Variants in MMUT observed in about 807,000 individuals in gnomAD.
The protein encoded by MMUT is methylmalonyl-CoA mutase.
A neutral mutation model predicts 79.9 loss-of-function variants in MMUT; 79 were observed. The ratio of observed to expected loss-of-function variants is 0.99; its 90% CI spans 0.82 to 1.19. MMUT has a LOEUF of 1.19. MMUT is among the 50% of genes most tolerant of loss of function. The pLI, the probability that MMUT is intolerant of heterozygous loss-of-function variation, is 0.00. For synonymous variants in MMUT, 273 were observed against 295.7 expected, an observed-to-expected ratio of 0.92 and a Z score of 0.79; for missense variants, 860 against 917.2, an observed-to-expected ratio of 0.94 and a Z score of 0.81.
chr6:49,445,820 T>C (rs1767398150), intron 8 of MMUT, among the ~76,000 whole-genome samples: 1 of 152,046 alleles, frequency 6.6e-6, no homozygotes, highest in Non-Finnish European at 1.5e-5. Flanking sequence ...TCCAACTATA[T>C]TTAGAGCAAG....
At chr6:49,453,919 C>T (rs1767622771) in intron 4 of MMUT, among the ~76,000 whole-genome samples, 163 bp from the exon 5 acceptor site, 1 of 152,106 alleles carries the variant, frequency 6.6e-6, no homozygotes, top group South Asian at 2.1e-4. Flanking sequence ...TAACTTTAAA[C>T]CTAACATAAA....
chr6:49,462,728 T>C lies in MMUT; in HGVS notation c.-40+375A>G, dbSNP rs147169284. Among the ~76,000 whole-genome samples the C allele has an allele frequency of 1.2e-3, 185 of 152,204 alleles. 2 individuals carry two copies. Among genetic ancestry groups the C allele is most frequent in the Admixed American group, 8.6e-3 (131 of 15,296 alleles). ...CCTGACAATAACATAACCCACAACC[T>C]AGAAGGGAGGCAGCCATGAAGCAGG... is the stretch of plus-strand genomic sequence containing the variant. On this transcript the variant is annotated intron_variant, in intron 1 of 12. Transcript: ENST00000274813.
At chr6:49,445,695 TAAC>T (rs932429915) in intron 8 of MMUT, among the ~76,000 whole-genome samples, 5 of 152,030 alleles carry the variant, frequency 3.3e-5, no homozygotes, top group African/African-American at 1.2e-4. Context: ...GTTTAGGAAA[TAAC>T]AAGAAAAAAG....
intron 11 of MMUT, among the ~76,000 whole-genome samples, chr6:49,435,979 C>T (rs1353888864): frequency 2.0e-5 from 3 of 152,128 alleles, no homozygotes; most frequent in Non-Finnish European, 2.9e-5. Flanking sequence ...TGAACAGACA[C>T]TTTCCAAAAA....
intron 7 of MMUT, among the ~76,000 whole-genome samples, chr6:49,448,593 T>A (rs1273069516): frequency 1.3e-5 from 2 of 152,126 alleles, no homozygotes; most frequent in Non-Finnish European, 2.9e-5. Context: ...TGTACATATA[T>A]ACAATGGTTA....
chr6:49,431,778 C>T lies in MMUT; in HGVS notation c.2203G>A (p.Val735Met), dbSNP rs1766985413. Residue 735 changes from valine to methionine, a missense_variant, in exon 13 of 13, where the codon GTG becomes ATG. By Grantham distance (21) the Val-to-Met change is conservative. Transcript: ENST00000274813. ...GTRIPKAAVQ[V>M]LDDIEKCLEK... The stretch of plus-strand genomic sequence containing the variant: ...AAACACTTCTCAATATCATCAAGCA[C>T]CTGAACGGCAGCCTTTGGAATTCGA... 2 of 1,613,874 alleles carry T rather than the reference C, an allele frequency of 1.2e-6. No homozygotes were observed. The highest frequency in any genetic ancestry group is 2.7e-5 in the African/African-American group (2 of 74,892).
In MMUT at chr6:49,432,548, C is replaced by T. The variant is rs537247303; in HGVS notation, c.2125-692G>A. ...GGCTACAGGCGCCCGCCACCATGCC[C>T]GGCTAATTTTTTGTATTTTTAGTAG... On this transcript the variant is annotated intron_variant, in intron 12 of 12. Transcript: ENST00000274813. Among the ~76,000 whole-genome samples, 266 of 152,104 alleles carry T rather than the reference C, an allele frequency of 1.7e-3. 4 individuals carry two copies. Among genetic ancestry groups the T allele is most frequent in the African/African-American group, 5.9e-3 (245 of 41,502 alleles).
Position 49,458,047 on chromosome 6 carries a change from C to T in MMUT, c.397G>A (p.Gly133Arg), listed in dbSNP as rs879253828. Residue 133 changes from glycine (G) to arginine (R), a missense_variant, in exon 3 of 13, where the codon GGA (glycine) becomes AGA (arginine). Coordinates refer to ENST00000274813, the MANE Select transcript of MMUT (RefSeq NM_000255.4). ...GCCAGATCAAAGGCAACTGATAATC[C>T]CTGCTGACCAGCTAAATATATAAAG... is the stretch of plus-strand genomic sequence containing the variant. ...YKDNIKAGQQ[G>R]LSVAFDLATH... 6.2e-7 allele frequency: 1 copy of T among 1,600,914 alleles called. No individual in the cohort carries two copies. Among genetic ancestry groups the T allele is most frequent in the Non-Finnish European group, 8.5e-7 (1 of 1,179,830 alleles).
intron 12 of MMUT, among the ~76,000 whole-genome samples, chr6:49,432,703 ACAGT>A (rs918172161): frequency 6.6e-6 from 1 of 152,120 alleles, no homozygotes; most frequent in Non-Finnish European, 1.5e-5. Context: ...GTTTATTTTA[ACAGT>A]CAAAGTATGA....
intron 11 of MMUT, among the ~76,000 whole-genome samples, chr6:49,435,945 A>C (rs183136964): frequency 2.6e-5 from 4 of 152,302 alleles, no homozygotes; most frequent in East Asian, 3.9e-4. Context: ...TTACAAAAAA[A>C]CATTAAAAAG....
At chr6:49,448,767 T>C (rs1251444486) in intron 7 of MMUT, 49 bp downstream of exon 7, 11 of 1,424,348 alleles carry the variant, frequency 7.7e-6, no homozygotes, top group African/African-American at 1.4e-5. Context: ...CAGAAATGAA[T>C]TTCTTTTTAA....
chr6:49,451,528 G>T lies in MMUT; in HGVS notation c.1270C>A (p.Pro424Thr). 6.2e-7 allele frequency: 1 copy of T among 1,613,990 alleles called. No homozygotes were observed. The highest frequency in any genetic ancestry group is 8.5e-7 in the Non-Finnish European group (1 of 1,179,960). Residue 424 changes from proline to threonine, a missense_variant, in exon 6 of 13, where the codon CCT becomes ACT. Coordinates refer to ENST00000274813, the MANE Select transcript of MMUT (RefSeq NM_000255.4). ...EESGIPKVAD[P>T]WGGSYMMECL... is the part of the protein sequence containing the mutation. ...TCCATCATGTAAGAACCTCCCCAAG[G>T]ATCAGCCACTTTGGGAATCCCAGAT...
intron 1 of MMUT, among the ~76,000 whole-genome samples, chr6:49,462,265 C>T (rs887032220): frequency 3.3e-5 from 5 of 152,164 alleles, no homozygotes; most frequent in Admixed American, 6.5e-5. Flanking sequence ...TAATCCCACC[C>T]CCACACCTCA....
At chr6:49,450,816 A>C (rs1767533603) in intron 6 of MMUT, among the ~76,000 whole-genome samples, 1 of 152,208 alleles carries the variant, frequency 6.6e-6, no homozygotes, top group Non-Finnish European at 1.5e-5. Flanking sequence ...TAAACAGAGG[A>C]GAAATGAAAA....
chr6:49,458,331 G>A (rs1041649389), intron 2 of MMUT, among the ~76,000 whole-genome samples: 11 of 152,010 alleles, frequency 7.2e-5, no homozygotes, highest in African/African-American at 2.4e-4. Context: ...CAATCATCTC[G>A]TATCTATCTG....
chr6:49,444,716 A>C lies in MMUT; in HGVS notation c.1599T>G (p.Cys533Trp), dbSNP rs886042128. ...SSRDQALAER[C>W]LAALTECAAS... The stretch of plus-strand genomic sequence containing the variant: ...CAGCACATTCGGTTAGTGCAGCAAG[A>C]CAACGTTCAGCCAAAGCTTGATCCC... Residue 533 changes from cysteine (C) to tryptophan (W), a missense_variant, in exon 9 of 13, where the codon TGT becomes TGG. Coordinates refer to ENST00000274813, the MANE Select transcript of MMUT (RefSeq NM_000255.4). 1 of 1,613,472 alleles carries C rather than the reference A, an allele frequency of 6.2e-7. No individual in the cohort carries two copies. Among genetic ancestry groups the C allele is most frequent in the Non-Finnish European group, 8.5e-7 (1 of 1,179,514 alleles).
chr6:49,451,329 A>T, intron 6 of MMUT, 137 bp downstream of exon 6: 1 of 1,027,912 alleles, frequency 9.7e-7, no homozygotes, highest in Non-Finnish European at 1.4e-6. Context: ...AACATCGTTT[A>T]AATTATTATA....
At chr6:49,441,107 C>G (rs915355349) in intron 10 of MMUT, among the ~76,000 whole-genome samples, 2 of 152,048 alleles carry the variant, frequency 1.3e-5, no homozygotes, top group African/African-American at 2.4e-5. Flanking sequence ...TGATATTTAT[C>G]TAGTGTACAA....
Position 49,440,204 on chromosome 6 carries a change from A to G in MMUT, c.1956+2T>C, listed in dbSNP as rs750619189. ...GAAATTCCCCCCAACAGTTTTTAGT[A>G]CCTGGAAAAGAGGGCCTATGTCCAC... On this transcript the variant is annotated splice_donor_variant, in intron 11 of 12. Transcript: ENST00000274813. LOFTEE classifies it high-confidence loss of function. 4.4e-5 allele frequency: 71 copies of G among 1,613,904 alleles called. No individual in the cohort carries two copies. The South Asian group carries it at 7.7e-4, about 17-fold the overall frequency.
Sources: gnomAD v4.1 joint callset for allele counts (sites outside exome capture counted in the v4.1 genomes callset) on GRCh38, gnomAD v4.1.1 for gene constraint, MANE v1.5 for transcripts, NCBI Gene and HGNC (gene_info 2026-07-23, HGNC 2026-07-21) for gene names.